Variants in RXFP1 observed in about 807,000 individuals in gnomAD.
RXFP1 encodes relaxin receptor 1.
In RXFP1, 73 loss-of-function variants were observed where a neutral mutation model predicts 89.8. The ratio of observed to expected loss-of-function variants is 0.81; its 90% CI spans 0.67 to 0.99. RXFP1 has a LOEUF of 0.99. Among genes scored for constraint, RXFP1 ranks in the 50% least tolerant of loss-of-function variants. The pLI, the probability that RXFP1 is intolerant of heterozygous loss-of-function variation, is 0.00. For missense variants in RXFP1, 793 were observed against 895.5 expected, an observed-to-expected ratio of 0.89 and a Z score of 1.46; for synonymous variants, 277 against 305.5, an observed-to-expected ratio of 0.91 and a Z score of 0.97.
At chr4:158,627,824 C>T (rs1468509422) in intron 10 of RXFP1, among the ~76,000 whole-genome samples, 4 of 152,062 alleles carry the variant, frequency 2.6e-5, no homozygotes, top group Non-Finnish European at 1.5e-5. Flanking sequence ...AACCAAATTG[C>T]ACCTGAAGGA....
chr4:158,574,384 C>A (rs999460359), intron 2 of RXFP1, among the ~76,000 whole-genome samples: 8 of 152,084 alleles, frequency 5.3e-5, no homozygotes, highest in Non-Finnish European at 1.0e-4. Flanking sequence ...CTTGAAAATC[C>A]TCCTACTTGA....
At chr4:158,619,824 A>C (rs1458729198) in intron 9 of RXFP1, among the ~76,000 whole-genome samples, 3 of 149,908 alleles carry the variant, frequency 2.0e-5, no homozygotes, top group Non-Finnish European at 4.5e-5. Flanking sequence ...GGTACCAACA[A>C]AAAAAAAAAC....
At chr4:158,612,042 T>C (rs1446000414) in intron 6 of RXFP1, 88 bp from the exon 7 acceptor site, 4 of 1,131,964 alleles carry the variant, frequency 3.5e-6, no homozygotes, top group Non-Finnish European at 5.1e-6. Flanking sequence ...ATGTAAAAAA[T>C]TTAAGATGGA....
At chr4:158,607,060 A>G (rs779626803) in intron 5 of RXFP1, 3 of 1,535,740 alleles carry the variant, frequency 2.0e-6, no homozygotes, top group African/African-American at 2.7e-5. Flanking sequence ...CACTCTAAAG[A>G]ACAATGGTGA....
In RXFP1 at chr4:158,646,791, G is replaced by C; in HGVS notation, c.1346G>C (p.Cys449Ser). Reference protein sequence around the residue: ...LYAMSIISLCCADCLMGIYLF... With the variant: ...LYAMSIISLCSADCLMGIYLF... ...ATTTGTGAAACTATGACTCCTCTAG[G>C]TGCCGACTGCTTAATGGGAATATAT... The change falls in exon 16 of 18, where the codon TGT becomes TCT. Residue 449 changes from cysteine to serine, a missense_variant and splice_region_variant. Transcript: ENST00000307765. 5.0e-6 allele frequency: 8 copies of C among 1,595,102 alleles called. No individual in the cohort carries two copies. The highest frequency in any genetic ancestry group is 6.8e-6 in the Non-Finnish European group (8 of 1,168,134).
chr4:158,594,201 TC>T (rs149701255), intron 3 of RXFP1, among the ~76,000 whole-genome samples: 2,435 of 152,304 alleles, frequency 0.016, 35 homozygotes, highest in Non-Finnish European at 0.026. Flanking sequence ...TGGTTCCATA[TC>T]ACAGCCTCTA....
chr4:158,620,155 A>G lies in RXFP1; in HGVS notation c.755+2950A>G, dbSNP rs147812907. 4.5e-3 allele frequency among the ~76,000 whole-genome samples: 680 copies of G among 152,360 alleles called. 2 individuals carry two copies. The highest frequency in any genetic ancestry group is 0.016 in the South Asian group (79 of 4,828). ...AGAAAATGTCAGCAAAAAGATGGAA[A>G]CTACAAAAGAGAAACAAAAAATTAT... On this transcript the variant is annotated intron_variant, in intron 9 of 17. Coordinates refer to ENST00000307765, the MANE Select transcript of RXFP1 (RefSeq NM_021634.4).
chr4:158,623,851 A>G (rs1461247484), intron 9 of RXFP1, among the ~76,000 whole-genome samples: 1 of 152,192 alleles, frequency 6.6e-6, no homozygotes, highest in Non-Finnish European at 1.5e-5. Flanking sequence ...ACTGAATATG[A>G]TGGCTTGAGC....
intron 14 of RXFP1, 109 bp downstream of exon 14, chr4:158,639,440 A>T (rs924946827): frequency 5.9e-6 from 4 of 675,676 alleles, no homozygotes; most frequent in Non-Finnish European, 1.0e-5. Flanking sequence ...GCCAGCTATA[A>T]ACTGAAAGTT....
intron 1 of RXFP1, among the ~76,000 whole-genome samples, chr4:158,533,150 G>A (rs968976279): frequency 4.6e-5 from 7 of 152,100 alleles, no homozygotes; most frequent in Non-Finnish European, 1.0e-4. Flanking sequence ...AGACCAATAT[G>A]GTAGAATCTA....
At chr4:158,639,197 T>A in intron 13 of RXFP1, 63 bp from the exon 14 acceptor site, 1 of 924,130 alleles carries the variant, frequency 1.1e-6, no homozygotes. Flanking sequence ...TCACAGAAAC[T>A]CAATTTATTA....
At chr4:158,628,546 C>A in intron 10 of RXFP1, 92 bp from the exon 11 acceptor site, 1 of 563,906 alleles carries the variant, frequency 1.8e-6, no homozygotes, top group Non-Finnish European at 3.2e-6. Context: ...ACTGTATATT[C>A]ATTATCTTTG....
chr4:158,631,480 C>T (rs1485978911), intron 11 of RXFP1, among the ~76,000 whole-genome samples: 1 of 152,106 alleles, frequency 6.6e-6, no homozygotes, highest in Non-Finnish European at 1.5e-5. Flanking sequence ...AGAAAGGAAG[C>T]ACATATGTAC....
At chr4:158,641,913 G>GT (rs1006728000) in intron 14 of RXFP1, among the ~76,000 whole-genome samples, 3 of 152,308 alleles carry the variant, frequency 2.0e-5, no homozygotes, top group African/African-American at 4.8e-5. Flanking sequence ...AATAAAAGGT[G>GT]TTGGTGTTGG....
intron 1 of RXFP1, among the ~76,000 whole-genome samples, chr4:158,566,637 T>A (rs905705279): frequency 1.3e-5 from 2 of 152,224 alleles, no homozygotes; most frequent in African/African-American, 4.8e-5. Flanking sequence ...GTGCTGGGAT[T>A]ACAGGCATAA....
At chr4:158,523,405 A>C (rs981813600) in intron 1 of RXFP1, among the ~76,000 whole-genome samples, 1 of 152,190 alleles carries the variant, frequency 6.6e-6, no homozygotes, top group African/African-American at 2.4e-5. Flanking sequence ...AACTTTGGCC[A>C]CTGTGTTACC....
intron 12 of RXFP1, among the ~76,000 whole-genome samples, chr4:158,635,773 G>C (rs1453816198): frequency 2.0e-5 from 3 of 151,732 alleles, no homozygotes; most frequent in Non-Finnish European, 2.9e-5. Flanking sequence ...TGTAACTGTG[G>C]CTCCCCCAGC....
chr4:158,538,623 G>A (rs531727341), intron 1 of RXFP1, among the ~76,000 whole-genome samples: 2 of 152,216 alleles, frequency 1.3e-5, no homozygotes, highest in East Asian at 3.9e-4. Flanking sequence ...AGACCAGCCT[G>A]ACCAACATGG....
In RXFP1 at chr4:158,612,612, C is replaced by CT. The variant is rs1158067958; in HGVS notation, c.680+266dup. 6.8e-3 allele frequency among the ~76,000 whole-genome samples: 953 copies of CT among 140,278 alleles called. 11 individuals carry two copies. Among genetic ancestry groups the CT allele is most frequent in the African/African-American group, 0.018 (707 of 38,420 alleles). 92.0% of individuals were successfully genotyped at this position (140,278 alleles called of 152,430 possible). A position where few individuals can be genotyped will look rare whatever the true frequency, so the allele number is the denominator to read the frequency against. On this transcript the variant is annotated intron_variant, in intron 8 of 17. Coordinates refer to ENST00000307765, the MANE Select transcript of RXFP1 (RefSeq NM_021634.4). ...CTCACTCATATTTTATCACAATATT[C>CT]TTTTTTTTTTTTTTTTGACATGGAG...
Sources: allele counts gnomAD v4.1 joint callset (sites outside exome capture counted in the v4.1 genomes callset), GRCh38; gene constraint gnomAD v4.1.1; transcripts MANE v1.5; gene names NCBI Gene and HGNC (gene_info 2026-07-23, HGNC 2026-07-21).